The following NTRK3 variants were observed in gnomAD, a reference collection of about 807,000 sequenced individuals.
NTRK3 encodes the protein neurotrophic receptor tyrosine kinase 3.
NTRK3 carries 24 observed loss-of-function variants against 91.7 expected under a neutral mutation model. That is an observed-to-expected ratio of 0.26 (90% CI 0.19 to 0.37). The LOEUF (loss-of-function observed/expected upper bound fraction) is 0.37. Ranked by LOEUF, NTRK3 falls within the 10% of genes least tolerant of loss-of-function variation. The pLI, the probability that NTRK3 is intolerant of heterozygous loss-of-function variation, is 1.00. For missense variants in NTRK3, 880 were observed against 1,068.9 expected (o/e 0.82, Z 2.46); for synonymous variants, 483 against 404.0 (o/e 1.20, Z -2.34).
intron 14 of NTRK3, among the ~76,000 whole-genome samples, chr15:87,975,709 C>T (rs748096687): frequency 1.4e-4 from 22 of 152,190 alleles, no homozygotes; most frequent in Non-Finnish European, 2.2e-4. Context: ...AGACTCCAAT[C>T]GCAGCTGGTT....
At chr15:88,031,567 A>G (rs2078539518) in intron 14 of NTRK3, among the ~76,000 whole-genome samples, 1 of 152,164 alleles carries the variant, frequency 6.6e-6, no homozygotes, top group African/African-American at 2.4e-5. Context: ...CAGAACCCAG[A>G]TGTCCTTTTT....
rs1174999322 is a variant in NTRK3, at chr15:88,243,581, G to A, written c.248+12325C>T. ...ACACACACACACACACACACACTGA[G>A]CAAAAGGTATTCAATCATGTCTGAC... On this transcript the variant is annotated intron_variant, in intron 3 of 18. Transcript: ENST00000394480. The surrounding 1 kb of genome is among the most constrained non-coding windows in gnomAD (Gnocchi z 4.8). 7.0e-6 allele frequency among the ~76,000 whole-genome samples: 1 copy of A among 143,770 alleles called. No individual in the cohort carries two copies. The highest frequency in any genetic ancestry group is 6.7e-5 in the Admixed American group (1 of 14,834). The allele number at this position is 143,770 out of a possible 152,430, so 94.3% of individuals were successfully genotyped here.
chr15:88,251,491 C>T (rs1211439357), intron 3 of NTRK3, among the ~76,000 whole-genome samples: 1 of 152,222 alleles, frequency 6.6e-6, no homozygotes, highest in Non-Finnish European at 1.5e-5. Flanking sequence ...TTCTCTGCCA[C>T]CAGCCAACTG....
At chr15:88,056,484 G>A (rs530133015) in intron 13 of NTRK3, among the ~76,000 whole-genome samples, 6 of 151,878 alleles carry the variant, frequency 4.0e-5, no homozygotes, top group South Asian at 2.1e-4. Context: ...TATCTGCCTC[G>A]GGGCCTTCGT....
At chr15:88,157,352 C>T (rs2044008832) in intron 5 of NTRK3, among the ~76,000 whole-genome samples, 1 of 151,992 alleles carries the variant, frequency 6.6e-6, no homozygotes, top group Non-Finnish European at 1.5e-5. Flanking sequence ...CTTAGGGGGT[C>T]TGAGGAGCTC....
rs1375763829 is a variant in NTRK3, at chr15:88,256,334, T to A, written c.-66A>T. 5 of 643,320 alleles carry A rather than the reference T, an allele frequency of 7.8e-6. No homozygotes were observed. The highest frequency in any genetic ancestry group is 1.4e-5 in the Non-Finnish European group (5 of 358,380). The allele number at this position is 643,320 out of a possible 1,614,324, so 39.9% of individuals were successfully genotyped here. On this transcript the variant is annotated 5_prime_UTR_variant, in exon 2 of 19. An upstream start codon of the reference 5' UTR is lost. Coordinates refer to ENST00000394480, the Ensembl canonical transcript of NTRK3. The stretch of plus-strand genomic sequence containing the variant: ...CAAAATCCTTCAGCGTCTGAAACCA[T>A]CGCGGACGCCGCCGCCGCCGCCGCC...
At chr15:88,096,268 C>A (rs2049588638) in intron 13 of NTRK3, among the ~76,000 whole-genome samples, 1 of 152,170 alleles carries the variant, frequency 6.6e-6, no homozygotes, top group South Asian at 2.1e-4. Flanking sequence ...CTTATTACAT[C>A]CAGAGAGCCC....
At chr15:87,911,063 T>C (rs2067062497) in intron 17 of NTRK3, among the ~76,000 whole-genome samples, 2 of 152,076 alleles carry the variant, frequency 1.3e-5, no homozygotes, top group Admixed American at 6.6e-5. Flanking sequence ...GTAGGATAGA[T>C]TGTGGATTTT....
intron 15 of NTRK3, among the ~76,000 whole-genome samples, chr15:87,938,154 C>A (rs1596321684): frequency 6.6e-6 from 1 of 152,154 alleles, no homozygotes; most frequent in East Asian, 1.9e-4. Flanking sequence ...CACATATGTG[C>A]AGATTATGTC....
chr15:88,080,029 T>G (rs1416492870), intron 13 of NTRK3, among the ~76,000 whole-genome samples: 1 of 152,244 alleles, frequency 6.6e-6, no homozygotes, highest in Non-Finnish European at 1.5e-5. Context: ...CTTTACATAT[T>G]GTTCTACAAC....
intron 13 of NTRK3, among the ~76,000 whole-genome samples, chr15:88,033,279 T>A (rs2078763202): frequency 6.9e-6 from 1 of 144,684 alleles, no homozygotes; most frequent in African/African-American, 2.6e-5. Flanking sequence ...TATACATGGC[T>A]TACAATTTTT....
intron 13 of NTRK3, among the ~76,000 whole-genome samples, chr15:88,036,194 GCA>G (rs2079055615): frequency 6.6e-6 from 1 of 151,766 alleles, no homozygotes; most frequent in Non-Finnish European, 1.5e-5. Flanking sequence ...GCACATACAC[GCA>G]CATACACACA....
At chr15:87,900,752 C>A (rs545122342) in intron 17 of NTRK3, among the ~76,000 whole-genome samples, 1 of 147,238 alleles carries the variant, frequency 6.8e-6, no homozygotes, top group Non-Finnish European at 1.5e-5. Flanking sequence ...TGAAGGAGAG[C>A]ATGGGCCAGA....
intron 3 of NTRK3, among the ~76,000 whole-genome samples, chr15:88,206,504 A>G (rs1420928401): frequency 1.4e-5 from 2 of 147,552 alleles, no homozygotes; most frequent in African/African-American, 2.5e-5. Context: ...TAAAAATACA[A>G]AAAATTAGCC....
At chr15:87,979,152 G>A (rs2141343853) in intron 14 of NTRK3, 1 of 632,046 alleles carries the variant, frequency 1.6e-6, no homozygotes, top group Non-Finnish European at 2.8e-6. Flanking sequence ...TGGAGGGAAG[G>A]GGCAACCCTG....
At chr15:87,880,530 A>C (rs1567064145) in intron 17 of NTRK3, 102 bp from the exon 19 acceptor site, 1 of 1,282,604 alleles carries the variant, frequency 7.8e-7, no homozygotes, top group Non-Finnish European at 1.1e-6. Flanking sequence ...GATGCATCCT[A>C]TTCTAAGATA....
chr15:87,988,991 C>T (rs577885503), intron 14 of NTRK3, among the ~76,000 whole-genome samples: 13 of 151,830 alleles, frequency 8.6e-5, no homozygotes, highest in Non-Finnish European at 2.9e-5. Context: ...AATCTTGGCT[C>T]ACTGCAACTT....
chr15:87,893,007 T>G (rs1284599022), intron 17 of NTRK3, among the ~76,000 whole-genome samples: 1 of 152,244 alleles, frequency 6.6e-6, no homozygotes, highest in Non-Finnish European at 1.5e-5. Context: ...GAAATGACAT[T>G]GAATGCAACT....
At chr15:88,214,661 G>GA (rs60980840) in intron 3 of NTRK3, among the ~76,000 whole-genome samples, 76 of 133,144 alleles carry the variant, frequency 5.7e-4, no homozygotes, top group African/African-American at 1.4e-3. Flanking sequence ...AAATAAAGCA[G>GA]AAAAAAAAAA....
Sources: allele counts gnomAD v4.1 joint callset (sites outside exome capture counted in the v4.1 genomes callset), GRCh38; gene constraint gnomAD v4.1.1; non-coding constraint Gnocchi (gnomAD v3.1); transcripts MANE v1.5; gene names NCBI Gene and HGNC (gene_info 2026-07-23, HGNC 2026-07-21).